UNC13C: variants seen among roughly 807,000 people sequenced by gnomAD.
UNC13C encodes the protein protein unc-13 homolog C.
In UNC13C, 174 loss-of-function variants were observed where a neutral mutation model predicts 245.4. The observed-to-expected ratio is 0.71, with a 90% confidence interval of 0.63 to 0.80. The LOEUF (loss-of-function observed/expected upper bound fraction) is 0.80, where lower values mean the gene tolerates loss of function less well. Ranked by LOEUF, UNC13C falls within the 30% of genes least tolerant of loss-of-function variation. UNC13C has a pLI of 0.00. For missense variants in UNC13C, 2,829 were observed against 2,602.9 expected (o/e 1.09, Z -1.89); for synonymous variants, 992 against 895.1 (o/e 1.11, Z -1.93).
At chr15:53,909,532 T>C in the UNC13C span, among the ~76,000 whole-genome samples, 2 of 145,942 alleles carry the variant, frequency 1.4e-5, no homozygotes, top group Non-Finnish European at 3.1e-5. Flanking sequence ...GGTGGGTGGA[T>C]CACGAGGTCA....
chr15:54,623,838 C>T lies in UNC13C; in HGVS notation c.6243C>T (p.Phe2081=), dbSNP rs1484375185. 2 of 1,613,052 alleles carry T rather than the reference C, an allele frequency of 1.2e-6. No individual in the cohort carries two copies. Among genetic ancestry groups the T allele is most frequent in the East Asian group, 2.2e-5 (1 of 44,830 alleles). Residue 2081 remains phenylalanine (F), a synonymous_variant, in exon 32 of 33, where the codon TTC becomes TTT. Transcript: ENST00000260323. ...TAAACTGGCAGACCACAGCAATGTTCCGCCCCTTTGTGGAAGTTTGTATAC... is the reference window on the plus strand; with the variant it reads ...TAAACTGGCAGACCACAGCAATGTTTCGCCCCTTTGTGGAAGTTTGTATAC... ...NDLNWQTTAM[F]RPFVEVCILG...
intron 2 of UNC13C, among the ~76,000 whole-genome samples, chr15:54,119,507 T>A (rs1447353438): frequency 6.6e-6 from 1 of 152,148 alleles, no homozygotes. Context: ...TCTTTCTCTC[T>A]TTTTTGGCAT....
At chr15:53,847,258 C>A in the UNC13C span, among the ~76,000 whole-genome samples, 1 of 152,062 alleles carries the variant, frequency 6.6e-6, no homozygotes, top group South Asian at 2.1e-4. Context: ...TCACTACTTA[C>A]CAATTTGTAT....
chr15:54,410,275 T>C (rs946510234), intron 18 of UNC13C, among the ~76,000 whole-genome samples: 18 of 152,336 alleles, frequency 1.2e-4, no homozygotes, highest in African/African-American at 4.1e-4. Flanking sequence ...GGATATTACC[T>C]TTGCCAGATG....
Position 54,015,730 on chromosome 15 carries a change from G to C in UNC13C, c.2827G>C (p.Ala943Pro). 1 of 1,613,524 alleles carries C rather than the reference G, an allele frequency of 6.2e-7. No homozygotes were observed. The highest frequency in any genetic ancestry group is 1.1e-5 in the South Asian group (1 of 91,052). Residue 943 changes from alanine (A) to proline (P), a missense_variant, in exon 2 of 33, where the codon GCT (alanine) becomes CCT (proline). Transcript: ENST00000260323. ...EGLEPLNETS[A>P]EMEIREDENQ... ...GTTAGAACCCTTAAATGAAACATCA[G>C]CTGAGATGGAAATAAGAGAAGATGA...
chr15:54,188,657 A>G (rs2034077981), intron 4 of UNC13C, among the ~76,000 whole-genome samples: 2 of 152,154 alleles, frequency 1.3e-5, no homozygotes, highest in South Asian at 4.1e-4. Flanking sequence ...TGGCAATTTT[A>G]TGTATGCTGT....
Position 54,484,203 on chromosome 15 carries a change from A to G in UNC13C, c.4934-10405A>G, listed in dbSNP as rs76543988. Among the ~76,000 whole-genome samples, 607 of 152,298 alleles carry G rather than the reference A, an allele frequency of 4.0e-3. 6 individuals are homozygous for G. The highest frequency in any genetic ancestry group is 0.014 in the African/African-American group (572 of 41,568). On this transcript the variant is annotated intron_variant, in intron 19 of 32. Coordinates refer to ENST00000260323, the MANE Select transcript of UNC13C (RefSeq NM_001080534.3). ...GATGAACAGCAAGAGTCAGGATTATAGTGGGAGACATGGTCTTAGGTGCTC... is the reference window on the plus strand; with the variant it reads ...GATGAACAGCAAGAGTCAGGATTATGGTGGGAGACATGGTCTTAGGTGCTC...
intron 2 of UNC13C, among the ~76,000 whole-genome samples, chr15:54,094,176 A>G (rs903526083): frequency 6.6e-6 from 1 of 152,152 alleles, no homozygotes; most frequent in Admixed American, 6.6e-5. Flanking sequence ...GGCCTTACTG[A>G]CCTCACCTAG....
chr15:54,483,160 T>C (rs1893220705), intron 19 of UNC13C, among the ~76,000 whole-genome samples: 1 of 152,200 alleles, frequency 6.6e-6, no homozygotes. Context: ...TCTTATTTCA[T>C]AGAAAATAAG....
chr15:54,059,344 T>C (rs918399273), intron 2 of UNC13C, among the ~76,000 whole-genome samples: 1 of 152,152 alleles, frequency 6.6e-6, no homozygotes, highest in Non-Finnish European at 1.5e-5. Context: ...AGCCAAATCA[T>C]GAGTGAACTC....
intron 4 of UNC13C, among the ~76,000 whole-genome samples, chr15:54,220,451 T>A (rs1226955716): frequency 9.6e-5 from 6 of 62,386 alleles, no homozygotes; most frequent in South Asian, 6.4e-4. Flanking sequence ...TGTTGTGGGG[T>A]AGGGGGAGGG....
At chr15:53,877,256 C>T in the UNC13C span, among the ~76,000 whole-genome samples, 2 of 152,190 alleles carry the variant, frequency 1.3e-5, no homozygotes, top group Admixed American at 1.3e-4. Flanking sequence ...CAGGGGCTTG[C>T]AGCAGAGCTC....
At chr15:53,882,112 T>C in the UNC13C span, among the ~76,000 whole-genome samples, 1 of 152,188 alleles carries the variant, frequency 6.6e-6, no homozygotes. Context: ...TGAATGAAGA[T>C]TAATTAGGAG....
intron 4 of UNC13C, among the ~76,000 whole-genome samples, chr15:54,165,305 A>T (rs2033124957): frequency 6.6e-6 from 1 of 152,186 alleles, no homozygotes; most frequent in South Asian, 2.1e-4. Context: ...TCATTACTAT[A>T]TGTATATATT....
At position 54,393,047 on chromosome 15, in the gene UNC13C, G is replaced by A. The variant is rs2039992810; in HGVS notation, c.4714-1G>A. ...TGCATGTTGCGTGAACTTGTGAGCAGAGTAAGAAACAGGATATTCCTCGTG... is the reference window on the plus strand; with the variant it reads ...TGCATGTTGCGTGAACTTGTGAGCAAAGTAAGAAACAGGATATTCCTCGTG... On this transcript the variant is annotated splice_acceptor_variant, in intron 17 of 32. Coordinates refer to ENST00000260323, the MANE Select transcript of UNC13C (RefSeq NM_001080534.3). LOFTEE classifies it high-confidence loss of function. 1 of 1,596,428 alleles carries A rather than the reference G, an allele frequency of 6.3e-7. No homozygotes were observed. The highest frequency in any genetic ancestry group is 1.8e-5 in the Admixed American group (1 of 55,714).
chr15:53,972,155 A>C, the UNC13C span, among the ~76,000 whole-genome samples: 1 of 152,206 alleles, frequency 6.6e-6, no homozygotes, highest in African/African-American at 2.4e-5. Flanking sequence ...GAGAGAAAAA[A>C]CGGCAAAGAC....
chr15:54,078,951 A>C (rs1430653221), intron 2 of UNC13C, among the ~76,000 whole-genome samples: 2 of 152,152 alleles, frequency 1.3e-5, no homozygotes, highest in Non-Finnish European at 2.9e-5. Flanking sequence ...CAGGTCTTAC[A>C]TTTAAGTCCT....
chr15:54,420,294 C>T (rs2040612446), intron 19 of UNC13C, among the ~76,000 whole-genome samples: 1 of 152,040 alleles, frequency 6.6e-6, no homozygotes, highest in African/African-American at 2.4e-5. Flanking sequence ...TAGTTGCGGG[C>T]TGTCAGCAGG....
chr15:54,028,783 C>T (rs1896232302), intron 2 of UNC13C, among the ~76,000 whole-genome samples: 1 of 151,278 alleles, frequency 6.6e-6, no homozygotes, highest in Middle Eastern at 3.4e-3. Context: ...CTCCACCTCC[C>T]GGGTTCACAC....
Sources: allele counts gnomAD v4.1 joint callset (sites outside exome capture counted in the v4.1 genomes callset), GRCh38; gene constraint gnomAD v4.1.1; transcripts MANE v1.5; gene names NCBI Gene and HGNC (gene_info 2026-07-23, HGNC 2026-07-21).